Variants in FTO observed in about 807,000 individuals in gnomAD.
FTO encodes the protein FTO alpha-ketoglutarate dependent dioxygenase.
FTO carries 47 observed loss-of-function variants against 63.9 expected under a neutral mutation model. That is an observed-to-expected ratio of 0.74 (90% CI 0.58 to 0.94). The LOEUF is 0.94. FTO is among the 40% of genes least tolerant of loss of function. The probability of loss-of-function intolerance (pLI) is 0.00; values close to 1 mark genes in which losing one functional copy is unlikely to be tolerated. For synonymous variants in FTO, 207 were observed against 224.4 expected, an observed-to-expected ratio of 0.92 and a Z score of 0.69; for missense variants, 562 against 618.1, an observed-to-expected ratio of 0.91 and a Z score of 0.96.
chr16:53,808,579 G>A (rs1035495788), intron 1 of FTO, among the ~76,000 whole-genome samples: 2 of 152,120 alleles, frequency 1.3e-5, no homozygotes, highest in Non-Finnish European at 2.9e-5. Context: ...TACCCAAAAG[G>A]AAGTTTCCTC....
At chr16:53,856,800 A>C (rs1313672342) in intron 4 of FTO, among the ~76,000 whole-genome samples, 1 of 152,056 alleles carries the variant, frequency 6.6e-6, no homozygotes. Flanking sequence ...TACATAAGAT[A>C]CATACCTAAA....
chr16:54,009,541 T>C (rs1308039540), intron 8 of FTO, among the ~76,000 whole-genome samples: 2 of 152,014 alleles, frequency 1.3e-5, no homozygotes, highest in Admixed American at 1.3e-4. Flanking sequence ...GAAGGACAAA[T>C]GAGCATCGAA....
At chr16:53,790,532 C>G (rs2077883475) in intron 1 of FTO, among the ~76,000 whole-genome samples, 2 of 115,222 alleles carry the variant, frequency 1.7e-5, no homozygotes, top group Admixed American at 2.4e-4. Context: ...GCCTGGGCAA[C>G]AGAGTAAGAC....
chr16:53,757,199 T>A (rs534312349), intron 1 of FTO, among the ~76,000 whole-genome samples: 10 of 152,332 alleles, frequency 6.6e-5, no homozygotes, highest in African/African-American at 2.2e-4. Context: ...AATTAACATA[T>A]GCATTATCTC....
At chr16:53,952,218 G>A (rs992648110) in intron 8 of FTO, among the ~76,000 whole-genome samples, 2 of 152,178 alleles carry the variant, frequency 1.3e-5, no homozygotes, top group African/African-American at 4.8e-5. Flanking sequence ...GTTGTCAGTG[G>A]TCAAGCCAGG....
chr16:54,103,412 G>T (rs551586123), intron 8 of FTO, among the ~76,000 whole-genome samples: 3 of 152,230 alleles, frequency 2.0e-5, no homozygotes, highest in South Asian at 4.2e-4. Flanking sequence ...CTAAAAAGGT[G>T]TATTGACCCG....
At chr16:53,860,342 A>G (rs2080134247) in intron 4 of FTO, among the ~76,000 whole-genome samples, 1 of 152,220 alleles carries the variant, frequency 6.6e-6, no homozygotes, top group African/African-American at 2.4e-5. Context: ...GTTGGTCAAA[A>G]GGTACCAAGT....
In FTO at chr16:53,893,712, A is replaced by G. The variant is rs74019287; in HGVS notation, c.1239+4761A>G. Among the ~76,000 whole-genome samples, 360 of 152,198 alleles carry G rather than the reference A, an allele frequency of 2.4e-3. 2 individuals carry two copies. Among genetic ancestry groups the G allele is most frequent in the African/African-American group, 8.2e-3 (340 of 41,548 alleles). Reference sequence around the variant, plus strand: ...TATAATCCAGTGGAAATATTCGACAATCGTTTCCAGAGTAAACATTTTCGA... The same window carrying G: ...TATAATCCAGTGGAAATATTCGACAGTCGTTTCCAGAGTAAACATTTTCGA... On this transcript the variant is annotated intron_variant, in intron 7 of 8. Transcript: ENST00000471389.
At chr16:54,072,846 G>A (rs1365416334) in intron 8 of FTO, among the ~76,000 whole-genome samples, 2 of 152,280 alleles carry the variant, frequency 1.3e-5, no homozygotes, top group East Asian at 3.9e-4. Context: ...GCTGGCCCTT[G>A]TTTTTACCAT....
chr16:53,988,647 A>C (rs1240985036), intron 8 of FTO, among the ~76,000 whole-genome samples: 1 of 152,216 alleles, frequency 6.6e-6, no homozygotes, highest in African/African-American at 2.4e-5. Context: ...AGGCAGACTC[A>C]TAGGTAGGTA....
chr16:54,084,829 C>T (rs988115073), intron 8 of FTO, among the ~76,000 whole-genome samples: 1 of 152,190 alleles, frequency 6.6e-6, no homozygotes, highest in Non-Finnish European at 1.5e-5. Context: ...TGCCATGCTG[C>T]TTCAGATGCC....
intron 8 of FTO, among the ~76,000 whole-genome samples, chr16:54,014,319 T>A (rs1366012552): frequency 2.6e-5 from 4 of 152,176 alleles, no homozygotes; most frequent in Non-Finnish European, 5.9e-5. Flanking sequence ...GGTTCTGTCC[T>A]CTGGGTAATG....
chr16:53,913,643 T>C (rs1490512581), intron 7 of FTO, among the ~76,000 whole-genome samples: 7 of 152,236 alleles, frequency 4.6e-5, no homozygotes, highest in Non-Finnish European at 1.0e-4. Flanking sequence ...GTAGGAAGTA[T>C]CACCTCAAGT....
intron 8 of FTO, among the ~76,000 whole-genome samples, chr16:54,092,492 GCAAGTCATGGCTGTC>G (rs1163990574): frequency 6.6e-6 from 1 of 152,146 alleles, no homozygotes; most frequent in Non-Finnish European, 1.5e-5. Flanking sequence ...GTCTAAAAGA[GCAAGTCATGGCTGTC>G]CAAAATTACC....
At chr16:54,100,321 T>A (rs2086611056) in intron 8 of FTO, among the ~76,000 whole-genome samples, 1 of 152,146 alleles carries the variant, frequency 6.6e-6, no homozygotes, top group African/African-American at 2.4e-5. Context: ...ATGTATAGAA[T>A]CCTAGCACTC....
chr16:54,023,826 T>G (rs1346209548), intron 8 of FTO, among the ~76,000 whole-genome samples: 2 of 152,194 alleles, frequency 1.3e-5, no homozygotes, highest in Admixed American at 6.5e-5. Flanking sequence ...AATACAGCTA[T>G]TTTTACCTTG....
chr16:53,948,317 A>G (rs2143476284), intron 8 of FTO, among the ~76,000 whole-genome samples: 1 of 152,266 alleles, frequency 6.6e-6, no homozygotes, highest in East Asian at 1.9e-4. Flanking sequence ...TGAGAGTTGG[A>G]TATTTGTGAG....
chr16:53,850,716 A>C (rs776200680), intron 4 of FTO, among the ~76,000 whole-genome samples: 1 of 152,062 alleles, frequency 6.6e-6, no homozygotes, highest in African/African-American at 2.4e-5. Context: ...GGACTATTAC[A>C]TAGTAGACTC....
chr16:53,802,371 A>T (rs1428878183), intron 1 of FTO, among the ~76,000 whole-genome samples: 2 of 148,864 alleles, frequency 1.3e-5, no homozygotes, highest in Non-Finnish European at 3.0e-5. Flanking sequence ...GCAACCATCC[A>T]TTTTTTTTTT....
Sources: gnomAD v4.1 joint callset for allele counts (sites outside exome capture counted in the v4.1 genomes callset) on GRCh38, gnomAD v4.1.1 for gene constraint, MANE v1.5 for transcripts, NCBI Gene and HGNC (gene_info 2026-07-23, HGNC 2026-07-21) for gene names.